MON1B: variants seen among roughly 807,000 people sequenced by gnomAD.
The protein encoded by MON1B is MON1 vesicular trafficking associated B, also known as vacuolar fusion protein MON1 homolog B.
A neutral mutation model predicts 45.1 loss-of-function variants in MON1B; 26 were observed. The observed-to-expected ratio is 0.58, with a 90% CI of 0.42 to 0.80. MON1B has a LOEUF of 0.80. Ranked by LOEUF, MON1B falls within the 30% of genes least tolerant of loss-of-function variation. The pLI is 0.00. For synonymous variants in MON1B, 395 were observed against 320.2 expected (o/e 1.23, Z -2.49); for missense variants, 737 against 754.5 (o/e 0.98, Z 0.27).
rs1463780174 is a variant in MON1B, at chr16:77,194,185, G to A, written c.476-150G>A. 1.3e-6 allele frequency: 1 copy of A among 753,408 alleles called. No homozygotes were observed. The highest frequency in any genetic ancestry group is 1.7e-5 in the African/African-American group (1 of 58,600). The allele number at this position is 753,408 out of a possible 1,614,324, so 46.7% of individuals were successfully genotyped here. On this transcript the variant is annotated intron_variant, in intron 3 of 5. Coordinates refer to ENST00000248248, the MANE Select transcript of MON1B (RefSeq NM_014940.4). The surrounding 1 kb of genome is among the most constrained non-coding windows in gnomAD (Gnocchi z 8.1). ...GCAAATGTCCAGATTCCTCCAGCTTGTCCTTACCCCAGTCCAGGTGCCCAC... is the reference window on the plus strand; with the variant it reads ...GCAAATGTCCAGATTCCTCCAGCTTATCCTTACCCCAGTCCAGGTGCCCAC...
chr16:77,202,159 A>G lies in MON1B; in HGVS notation c.*3851A>G, dbSNP rs368467296. On this transcript the variant is annotated 3_prime_UTR_variant, in exon 6 of 6. Coordinates refer to ENST00000248248, the MANE Select transcript of MON1B (RefSeq NM_014940.4). ...CCTGAGGATCCTATATTCATATTGGATCAGTATTAACATCCAGGTTTTGAT... is the reference window on the plus strand; with the variant it reads ...CCTGAGGATCCTATATTCATATTGGGTCAGTATTAACATCCAGGTTTTGAT... The G allele has an allele frequency of 1.3e-5, 2 of 152,330 alleles. No homozygotes were observed. The highest frequency in any genetic ancestry group is 4.8e-5 in the African/African-American group (2 of 41,574). 9.4% of individuals were successfully genotyped at this position (152,330 alleles called of 1,614,324 possible).
At position 77,195,702 on chromosome 16, in the gene MON1B, G is replaced by T; in HGVS notation, c.1443+20G>T. 1 of 1,613,074 alleles carries T rather than the reference G, an allele frequency of 6.2e-7. No individual in the cohort carries two copies. The highest frequency in any genetic ancestry group is 8.5e-7 in the Non-Finnish European group (1 of 1,179,332). On this transcript the variant is annotated intron_variant, in intron 5 of 5. Coordinates refer to ENST00000248248, the MANE Select transcript of MON1B (RefSeq NM_014940.4). Reference sequence around the variant, plus strand: ...GCCTGGGTAAGTTGGGCAGGGCTCTGAGTGAATTAATTCCCCACTTCAAGC... The same window carrying T: ...GCCTGGGTAAGTTGGGCAGGGCTCTTAGTGAATTAATTCCCCACTTCAAGC...
Position 77,199,660 on chromosome 16 carries a change from T to C in MON1B, c.*1352T>C. ...TTTGTTATTGAAGAAAAACAATTTTTTAACCGTTCAGCACAGTGGAGATAA... is the reference window on the plus strand; with the variant it reads ...TTTGTTATTGAAGAAAAACAATTTTCTAACCGTTCAGCACAGTGGAGATAA... On this transcript the variant is annotated 3_prime_UTR_variant, in exon 6 of 6. Coordinates refer to ENST00000248248, the MANE Select transcript of MON1B (RefSeq NM_014940.4). 1.5e-6 allele frequency: 1 copy of C among 686,346 alleles called. No individual in the cohort carries two copies. Among genetic ancestry groups the C allele is most frequent in the Non-Finnish European group, 2.4e-6 (1 of 408,416 alleles). 42.5% of individuals were successfully genotyped at this position (686,346 alleles called of 1,614,324 possible). A position where few individuals can be genotyped will look rare whatever the true frequency, so the allele number is the denominator to read the frequency against.
Position 77,193,956 on chromosome 16 carries a change from T to C in MON1B, c.475+179T>C. 1.5e-6 allele frequency: 1 copy of C among 651,882 alleles called. No individual in the cohort carries two copies. Among genetic ancestry groups the C allele is most frequent in the Non-Finnish European group, 2.6e-6 (1 of 383,980 alleles). 40.4% of individuals were successfully genotyped at this position (651,882 alleles called of 1,614,324 possible). ...GGGGGTTCATCTCTGTCTGGCCTGCTGGTTTCTTAGTGATTGACTTGCTGG... is the reference window on the plus strand; with the variant it reads ...GGGGGTTCATCTCTGTCTGGCCTGCCGGTTTCTTAGTGATTGACTTGCTGG... On this transcript the variant is annotated intron_variant, in intron 3 of 5. Transcript: ENST00000248248. This position sits in a 1 kb window ranked among gnomAD's most constrained non-coding sequence, Gnocchi z 5.0.
intron 2 of MON1B, among the ~76,000 whole-genome samples, chr16:77,192,243 A>G (rs2054622098): frequency 6.6e-6 from 1 of 152,188 alleles, no homozygotes; most frequent in Non-Finnish European, 1.5e-5. Context: ...GGATCAGTGG[A>G]CCTCACTGAG....
At position 77,200,291 on chromosome 16, in the gene MON1B, T is replaced by TATATATATATACAC; in HGVS notation, c.*1984_*1985insTATATATATACACA. On this transcript the variant is annotated 3_prime_UTR_variant, in exon 6 of 6. Transcript: ENST00000248248. ...ATATATGTGTATATATATATATATA[T>TATATATATATACAC]ACACACACTAATCAGCCGGGCGCGG... 4.5e-5 allele frequency: 5 copies of TATATATATATACAC among 111,434 alleles called. No individual in the cohort carries two copies. Among genetic ancestry groups the TATATATATATACAC allele is most frequent in the African/African-American group, 1.7e-4 (5 of 29,776 alleles). 6.9% of individuals were successfully genotyped at this position (111,434 alleles called of 1,614,324 possible). A position where few individuals can be genotyped will look rare whatever the true frequency, so the allele number is the denominator to read the frequency against.
rs2232503 is a variant in MON1B at position 77,194,732 on chromosome 16, A to T, written c.873A>T (p.Arg291=). The change falls in exon 4 of 6, where the codon CGA becomes CGT. Residue 291 remains arginine, a synonymous_variant. Transcript: ENST00000248248. This position sits in a 1 kb window ranked among gnomAD's most constrained non-coding sequence, Gnocchi z 8.1. ...GACTTATAACAGCAGCCCAGGAGCG[A>T]AATGTGCTGGCCGAGTGCCGGCTGG... The part of the protein sequence containing the change: ...GGRLITAAQE[R]NVLAECRLDP... The T allele has an allele frequency of 6.2e-7, 1 of 1,613,884 alleles. No homozygotes were observed. Among genetic ancestry groups the T allele is most frequent in the Non-Finnish European group, 8.5e-7 (1 of 1,179,864 alleles).
chr16:77,195,443 A>G, intron 4 of MON1B, 92 bp from the exon 5 acceptor site: 1 of 1,423,732 alleles, frequency 7.0e-7, no homozygotes, highest in Non-Finnish European at 9.4e-7. Flanking sequence ...CAGCTCCCTA[A>G]CTTCATTGAA....
chr16:77,191,583 G>A lies in MON1B; in HGVS notation c.98G>A (p.Gly33Glu). ...FPSEEAREGG[G>E]VHAVPPDPED... ...AGTGAGGAAGCTAGAGAAGGTGGAG[G>A]GGTTCACGCGGTCCCGCCGGATCCC... Residue 33 changes from glycine (G) to glutamate (E), a missense_variant, in exon 2 of 6, where the codon GGG becomes GAG. Transcript: ENST00000248248. 1 of 1,610,120 alleles carries A rather than the reference G, an allele frequency of 6.2e-7. No homozygotes were observed. The highest frequency in any genetic ancestry group is 8.5e-7 in the Non-Finnish European group (1 of 1,178,984).
Position 77,198,560 on chromosome 16 carries a change from C to G in MON1B, c.*252C>G. 1.9e-6 allele frequency: 1 copy of G among 531,824 alleles called. No individual in the cohort carries two copies. The highest frequency in any genetic ancestry group is 5.2e-4 in the Middle Eastern group (1 of 1,908). 32.9% of individuals were successfully genotyped at this position (531,824 alleles called of 1,614,324 possible). A position where few individuals can be genotyped will look rare whatever the true frequency, so the allele number is the denominator to read the frequency against. On this transcript the variant is annotated 3_prime_UTR_variant, in exon 6 of 6. Coordinates refer to ENST00000248248, the MANE Select transcript of MON1B (RefSeq NM_014940.4). ...AGGCCTCCCTCTCCCTTCCCTCTGT[C>G]TCATCTCCTCCACTTGGATGATGCT...
intron 1 of MON1B, 75 bp from the exon 2 acceptor site, chr16:77,191,401 A>T: frequency 6.3e-7 from 1 of 1,582,800 alleles, no homozygotes; most frequent in Non-Finnish European, 8.6e-7. Flanking sequence ...AGTGTGTCCA[A>T]GGGGGCCTGA....
Position 77,201,777 on chromosome 16 carries a change from T to G in MON1B, c.*3469T>G, listed in dbSNP as rs935302341. On this transcript the variant is annotated 3_prime_UTR_variant, in exon 6 of 6. Coordinates refer to ENST00000248248, the MANE Select transcript of MON1B (RefSeq NM_014940.4). ...TTAAGAGGCAGAAAAAAATTCTAAT[T>G]TAAATGTATTAAATTATAAGTTCTA... 2.0e-5 allele frequency: 3 copies of G among 151,928 alleles called. No individual in the cohort carries two copies. The highest frequency in any genetic ancestry group is 2.9e-5 in the Non-Finnish European group (2 of 67,974). The allele number at this position is 151,928 out of a possible 1,614,324, so 9.4% of individuals were successfully genotyped here.
In MON1B at chr16:77,198,300, G is replaced by A; in HGVS notation, c.1636G>A (p.Gly546Arg). The change falls in exon 6 of 6, where the codon GGA becomes AGA. Residue 546 changes from glycine (G) to arginine (R), a missense_variant. Physicochemically the swap from Gly to Arg is moderately radical, Grantham distance 125. Transcript: ENST00000248248. ...AGCTGCCCATAATGGCTTGTTCACT[G>A]GACTCTGATAGTTGGAGCTCCCAGA... ...DQAAHNGLFT[G>R]L 3 of 1,614,040 alleles carry A rather than the reference G, an allele frequency of 1.9e-6. No individual in the cohort carries two copies. Among genetic ancestry groups the A allele is most frequent in the East Asian group, 2.2e-5 (1 of 44,876 alleles).
chr16:77,193,767 C>T lies in MON1B; in HGVS notation c.465C>T (p.Ala155=). The change falls in exon 3 of 6, where the codon GCC becomes GCT. Residue 155 remains alanine, a synonymous_variant. Transcript: ENST00000248248. This position sits in a 1 kb window ranked among gnomAD's most constrained non-coding sequence, Gnocchi z 5.0. Reference sequence around the variant, plus strand: ...AGAGTGCGGGAGATGCCATCCGTGCCATCTACGCTGGTGAGCAAACAGGTG... The same window carrying T: ...AGAGTGCGGGAGATGCCATCCGTGCTATCTACGCTGGTGAGCAAACAGGTG... ...FVQSAGDAIR[A]IYAEDHKLVF... 6.2e-7 allele frequency: 1 copy of T among 1,610,140 alleles called. No individual in the cohort carries two copies. The highest frequency in any genetic ancestry group is 2.2e-5 in the East Asian group (1 of 44,798).
At chr16:77,191,302 C>G (rs1194248073) in intron 1 of MON1B, 44 bp downstream of exon 1, 3 of 1,536,578 alleles carry the variant, frequency 2.0e-6, no homozygotes, top group Non-Finnish European at 2.6e-6. Flanking sequence ...AGAGTCTCCT[C>G]TTTTCGGAAA....
intron 2 of MON1B, among the ~76,000 whole-genome samples, chr16:77,192,439 A>G (rs2054624199): frequency 6.6e-6 from 1 of 152,234 alleles, no homozygotes; most frequent in South Asian, 2.1e-4. Context: ...AATGGTTGTC[A>G]TTGGGGGATG....
chr16:77,192,586 G>T (rs528490748), intron 2 of MON1B, among the ~76,000 whole-genome samples: 3 of 152,226 alleles, frequency 2.0e-5, no homozygotes, highest in Admixed American at 2.0e-4. Flanking sequence ...TATTATGATG[G>T]TTACTGTAGG....
chr16:77,191,557 C>T lies in MON1B; in HGVS notation c.72C>T (p.Pro24=), dbSNP rs764977961. The part of the protein sequence containing the change: ...GAEDLEDTQF[P]SEEAREGGGV... Reference sequence around the variant, plus strand: ...AGGACTTGGAGGACACGCAGTTCCCCAGTGAGGAAGCTAGAGAAGGTGGAG... The same window carrying T: ...AGGACTTGGAGGACACGCAGTTCCCTAGTGAGGAAGCTAGAGAAGGTGGAG... The change falls in exon 2 of 6, where the codon CCC becomes CCT. Residue 24 remains proline, a synonymous_variant. Transcript: ENST00000248248. 8 of 1,608,722 alleles carry T rather than the reference C, an allele frequency of 5.0e-6. No homozygotes were observed. The East Asian group carries it at 8.9e-5, about 18-fold the overall frequency.
rs1212878665 is a variant in MON1B at position 77,195,018 on chromosome 16, G to C, written c.1159G>C (p.Ala387Pro). The C allele has an allele frequency of 1.2e-6, 2 of 1,613,020 alleles. No homozygotes were observed. Among genetic ancestry groups the C allele is most frequent in the South Asian group, 1.1e-5 (1 of 91,078 alleles). ...LGAMRALGEA[A>P]SFSNASSASA... ...TGCCATGCGTGCCCTTGGGGAGGCTGCCAGCTTCTCTAATGCCTCATCAGC... is the reference window on the plus strand; with the variant it reads ...TGCCATGCGTGCCCTTGGGGAGGCTCCCAGCTTCTCTAATGCCTCATCAGC... The change falls in exon 4 of 6, where the codon GCC (alanine) becomes CCC (proline). Residue 387 changes from alanine (A) to proline (P), a missense_variant. Transcript: ENST00000248248.
Sources: allele counts gnomAD v4.1 joint callset (sites outside exome capture counted in the v4.1 genomes callset), GRCh38; gene constraint gnomAD v4.1.1; non-coding constraint Gnocchi (gnomAD v3.1); transcripts MANE v1.5; gene names NCBI Gene and HGNC (gene_info 2026-07-23, HGNC 2026-07-21).